The following ADAMTS17 variants were observed in gnomAD, a reference collection of about 807,000 sequenced individuals.
ADAMTS17 encodes the protein ADAM metallopeptidase with thrombospondin type 1 motif 17.
In ADAMTS17, 113 loss-of-function variants were observed where a neutral mutation model predicts 141.5. The observed-to-expected ratio is 0.80, with a 90% CI of 0.69 to 0.93. The LOEUF (loss-of-function observed/expected upper bound fraction) is 0.93. Among genes scored for constraint, ADAMTS17 ranks in the 40% least tolerant of loss-of-function variants. The probability of loss-of-function intolerance (pLI) is 0.00; values close to 1 mark genes in which losing one functional copy is unlikely to be tolerated. For synonymous variants in ADAMTS17, 768 were observed against 630.6 expected, an observed-to-expected ratio of 1.22 and a Z score of -3.27; for missense variants, 1,659 against 1,517.9, an observed-to-expected ratio of 1.09 and a Z score of -1.54.
chr15:100,100,972 G>A (rs1298428327), intron 14 of ADAMTS17, among the ~76,000 whole-genome samples: 1 of 151,646 alleles, frequency 6.6e-6, no homozygotes, highest in African/African-American at 2.4e-5. Flanking sequence ...TGGGCAACCA[G>A]AATAGCCTCT....
chr15:100,101,774 G>GT (rs991990583), intron 14 of ADAMTS17, among the ~76,000 whole-genome samples: 2 of 152,180 alleles, frequency 1.3e-5, no homozygotes, highest in South Asian at 2.1e-4. Flanking sequence ...GATGGTACTT[G>GT]TTTTTTCTGG....
At chr15:100,093,380 GGA>G (rs1317291970) in intron 15 of ADAMTS17, among the ~76,000 whole-genome samples, 1 of 152,092 alleles carries the variant, frequency 6.6e-6, no homozygotes, top group Non-Finnish European at 1.5e-5. Flanking sequence ...TTTCTGGTGT[GGA>G]GTTTCTCTTT....
chr15:100,189,673 G>A (rs917948960), intron 8 of ADAMTS17, among the ~76,000 whole-genome samples: 1 of 152,200 alleles, frequency 6.6e-6, no homozygotes, highest in Non-Finnish European at 1.5e-5. Flanking sequence ...CTTGTCACTT[G>A]TCTTCAGTGT....
In ADAMTS17 at chr15:99,976,232, C is replaced by T. The variant is rs1378536363; in HGVS notation, c.2950-10G>A. ...CGCAGGTCGACGAGCACTGCAGAGA[C>T]AGGACAGCCTGAGTGGGGCTGACAT... On this transcript the variant is annotated splice_polypyrimidine_tract_variant and intron_variant, in intron 20 of 21. Coordinates refer to ENST00000268070, the MANE Select transcript of ADAMTS17 (RefSeq NM_139057.4). 6.5e-7 allele frequency: 1 copy of T among 1,542,238 alleles called. No individual in the cohort carries two copies. The highest frequency in any genetic ancestry group is 8.7e-7 in the Non-Finnish European group (1 of 1,146,204).
At chr15:100,279,691 G>A (rs949026672) in intron 4 of ADAMTS17, among the ~76,000 whole-genome samples, 2 of 152,140 alleles carry the variant, frequency 1.3e-5, no homozygotes, top group African/African-American at 4.8e-5. Flanking sequence ...CAGGCCTGAG[G>A]CTAAACCTCA....
intron 18 of ADAMTS17, among the ~76,000 whole-genome samples, chr15:100,020,125 C>T (rs770451598): frequency 9.8e-5 from 15 of 152,332 alleles, no homozygotes; most frequent in African/African-American, 3.1e-4. Context: ...ACCCAGGGGA[C>T]GGATTAACAC....
At chr15:100,238,026 C>T (rs529122930) in intron 7 of ADAMTS17, among the ~76,000 whole-genome samples, 35 of 152,320 alleles carry the variant, frequency 2.3e-4, no homozygotes, top group South Asian at 4.1e-4. Flanking sequence ...GAAGCAAAGA[C>T]GGAGTGGGCC....
chr15:100,230,387 G>C (rs1596323762), intron 7 of ADAMTS17, among the ~76,000 whole-genome samples: 1 of 152,194 alleles, frequency 6.6e-6, no homozygotes, highest in Admixed American at 6.5e-5. Context: ...TCCAGATGCT[G>C]GCTGGTACAG....
intron 2 of ADAMTS17, among the ~76,000 whole-genome samples, chr15:100,334,710 C>T (rs1319442259): frequency 1.3e-5 from 2 of 152,176 alleles, no homozygotes; most frequent in Non-Finnish European, 2.9e-5. Flanking sequence ...AGGGCCCCTC[C>T]CCCGGTCCCG....
intron 15 of ADAMTS17, among the ~76,000 whole-genome samples, chr15:100,072,253 AAG>A (rs549150404): frequency 0.019 from 2,794 of 148,594 alleles, 133 homozygotes; most frequent in Middle Eastern, 0.028. Flanking sequence ...AATGAAATAA[AAG>A]AGGATACAAA....
chr15:100,112,115 G>A (rs2036825145), intron 13 of ADAMTS17, among the ~76,000 whole-genome samples: 1 of 152,236 alleles, frequency 6.6e-6, no homozygotes. Flanking sequence ...AGTTAGAAAG[G>A]CCAGACTTCA....
At chr15:100,329,648 C>G (rs1023540562) in intron 3 of ADAMTS17, among the ~76,000 whole-genome samples, 4 of 152,070 alleles carry the variant, frequency 2.6e-5, no homozygotes, top group African/African-American at 9.7e-5. Context: ...GTCTTCCTCA[C>G]TTTTGTAAGG....
At position 100,022,233 on chromosome 15, in the gene ADAMTS17, C is replaced by T. The variant is rs528980732; in HGVS notation, c.2592-24644G>A. ...CTTCTGGATGGATGCAGGCCCCCAG[C>T]AGGCATATCACAGAGCAGTCCAGGA... On this transcript the variant is annotated intron_variant, in intron 18 of 21. Transcript: ENST00000268070. Among the ~76,000 whole-genome samples, 4 of 152,300 alleles carry T rather than the reference C, an allele frequency of 2.6e-5. No individual in the cohort carries two copies. In the East Asian group the frequency reaches 7.7e-4, roughly 29 times the overall value.
chr15:100,210,165 A>G (rs961595089), intron 7 of ADAMTS17, among the ~76,000 whole-genome samples: 2 of 132,268 alleles, frequency 1.5e-5, no homozygotes, highest in Non-Finnish European at 3.1e-5. Context: ...TGGGAGGAGG[A>G]GCTTGCAGTG....
intron 7 of ADAMTS17, among the ~76,000 whole-genome samples, chr15:100,218,358 C>T (rs1209956088): frequency 6.6e-6 from 1 of 152,162 alleles, no homozygotes; most frequent in East Asian, 1.9e-4. Flanking sequence ...TCCAACACCA[C>T]CTCTCAGCAA....
chr15:100,283,111 G>A (rs2044338052), intron 3 of ADAMTS17, among the ~76,000 whole-genome samples: 1 of 152,136 alleles, frequency 6.6e-6, no homozygotes, highest in Non-Finnish European at 1.5e-5. Context: ...AACTCTAAAC[G>A]ATAAAACAGA....
At chr15:100,094,381 G>A (rs768478030) in intron 15 of ADAMTS17, among the ~76,000 whole-genome samples, 4 of 152,278 alleles carry the variant, frequency 2.6e-5, no homozygotes, top group Non-Finnish European at 4.4e-5. Context: ...GGAGTGGATG[G>A]AGAAGGGAAA....
intron 8 of ADAMTS17, among the ~76,000 whole-genome samples, chr15:100,156,281 C>A (rs985852540): frequency 1.1e-4 from 16 of 152,212 alleles, no homozygotes; most frequent in African/African-American, 3.4e-4. Flanking sequence ...CTTCCGTCAG[C>A]AACCCTGCTT....
chr15:100,308,678 C>T (rs899314886), intron 3 of ADAMTS17, among the ~76,000 whole-genome samples: 1 of 152,126 alleles, frequency 6.6e-6, no homozygotes, highest in African/African-American at 2.4e-5. Context: ...GAAAGGAAAA[C>T]AGAATCCCGG....
Sources: allele counts gnomAD v4.1 joint callset (sites outside exome capture counted in the v4.1 genomes callset), GRCh38; gene constraint gnomAD v4.1.1; transcripts MANE v1.5; gene names NCBI Gene and HGNC (gene_info 2026-07-23, HGNC 2026-07-21).